Variants in ITGB5 observed in about 807,000 individuals in gnomAD.
ITGB5 encodes the protein integrin beta-5.
A neutral mutation model predicts 84.8 loss-of-function variants in ITGB5; 38 were observed. That is an observed-to-expected ratio of 0.45 (90% CI 0.35 to 0.59). The LOEUF (loss-of-function observed/expected upper bound fraction) is 0.59. ITGB5 is among the 20% of genes least tolerant of loss of function. The pLI, the probability that ITGB5 is intolerant of heterozygous loss-of-function variation, is 0.01. For missense variants in ITGB5, 905 were observed against 1,034.5 expected (o/e 0.87, Z 1.72); for synonymous variants, 393 against 414.4 (o/e 0.95, Z 0.63).
At chr3:124,901,162 C>G (rs1935207371) in intron 1 of ITGB5, 3 of 152,174 alleles carry the variant, frequency 2.0e-5, no homozygotes, top group African/African-American at 7.2e-5. Flanking sequence ...GAGGCCAAAG[C>G]GGTAGGATGA....
intron 4 of ITGB5, among the ~76,000 whole-genome samples, chr3:124,842,931 T>A (rs976004586): frequency 4.0e-5 from 6 of 151,560 alleles, no homozygotes; most frequent in African/African-American, 7.3e-5. Context: ...CAGCACAGAG[T>A]CCCCAGCAAC....
At chr3:124,791,604 A>G (rs2064151320) in intron 10 of ITGB5, 1 of 152,364 alleles carries the variant, frequency 6.6e-6, no homozygotes, top group African/African-American at 2.4e-5. Flanking sequence ...CACTTCTTCA[A>G]GTGCACCCCT....
At chr3:124,874,209 C>T (rs1934194381) in intron 1 of ITGB5, among the ~76,000 whole-genome samples, 4 of 141,770 alleles carry the variant, frequency 2.8e-5, no homozygotes, top group South Asian at 4.5e-4. Context: ...CTAAGAAAAA[C>T]AAAATTTCAC....
intron 5 of ITGB5, among the ~76,000 whole-genome samples, chr3:124,822,249 C>G (rs374004015): frequency 1.3e-5 from 2 of 152,334 alleles, no homozygotes; most frequent in East Asian, 1.9e-4. Flanking sequence ...TTTTTAGGAG[C>G]AGCTAGACCT....
chr3:124,830,093 A>G (rs2064838378), intron 5 of ITGB5, among the ~76,000 whole-genome samples: 1 of 152,164 alleles, frequency 6.6e-6, no homozygotes, highest in Non-Finnish European at 1.5e-5. Flanking sequence ...GAGAGAAACA[A>G]ATGGTTAGGG....
At chr3:124,827,988 G>A (rs56857499) in intron 5 of ITGB5, among the ~76,000 whole-genome samples, 2 of 143,768 alleles carry the variant, frequency 1.4e-5, no homozygotes, top group Admixed American at 7.1e-5. Context: ...CCCCCCCAAC[G>A]CCCCCGCCGC....
At chr3:124,892,133 T>C (rs1935014501), upstream of ITGB5, among the ~76,000 whole-genome samples, 1 of 151,964 alleles carries the variant, frequency 6.6e-6, no homozygotes, top group Non-Finnish European at 1.5e-5. Flanking sequence ...GAAAGTAGAA[T>C]AGAGGTTACC....
chr3:124,855,263 G>A (rs919014225), intron 3 of ITGB5, among the ~76,000 whole-genome samples: 45 of 152,150 alleles, frequency 3.0e-4, no homozygotes, highest in African/African-American at 9.9e-4. Flanking sequence ...CTGAAATCAC[G>A]TCACTGCACT....
intron 4 of ITGB5, among the ~76,000 whole-genome samples, chr3:124,846,145 C>T (rs953959777): frequency 2.6e-5 from 4 of 152,132 alleles, no homozygotes; most frequent in Admixed American, 6.6e-5. Context: ...GGAGAGTATA[C>T]AGAAGGATCT....
intron 12 of ITGB5, among the ~76,000 whole-genome samples, chr3:124,768,055 G>T (rs865960921): frequency 1.2e-3 from 187 of 152,304 alleles, no homozygotes; most frequent in African/African-American, 4.1e-3. Flanking sequence ...GGGTGACAGA[G>T]ACCCTGTCTC....
In ITGB5 at chr3:124,790,830, G is replaced by A. The variant is rs989857560; in HGVS notation, c.1693+5558C>T. On this transcript the variant is annotated intron_variant, in intron 10 of 14. Coordinates refer to ENST00000296181, the MANE Select transcript of ITGB5 (RefSeq NM_002213.5). ...TAAAATAAAGGTGAGACGTATACATGAGACCTTACTCAGAGGTGCTTTTGA... is the reference window on the plus strand; with the variant it reads ...TAAAATAAAGGTGAGACGTATACATAAGACCTTACTCAGAGGTGCTTTTGA... 2.6e-5 allele frequency among the ~76,000 whole-genome samples: 4 copies of A among 152,056 alleles called. No individual in the cohort carries two copies. The East Asian group carries it at 7.7e-4, about 29-fold the overall frequency.
At chr3:124,874,605 T>C (rs1934222629) in intron 1 of ITGB5, among the ~76,000 whole-genome samples, 1 of 152,180 alleles carries the variant, frequency 6.6e-6, no homozygotes, top group Non-Finnish European at 1.5e-5. Flanking sequence ...TTTCAAAATA[T>C]ACTACAAAGC....
At chr3:124,773,934 A>G in intron 10 of ITGB5, 22 bp from the exon 11 acceptor site, 5 of 1,605,910 alleles carry the variant, frequency 3.1e-6, no homozygotes, top group Non-Finnish European at 4.3e-6. Flanking sequence ...CATGTGGCAC[A>G]TCAGCACCTG....
At chr3:124,862,667 G>C (rs1001473301) in intron 2 of ITGB5, 5 of 152,218 alleles carry the variant, frequency 3.3e-5, no homozygotes, top group Non-Finnish European at 7.3e-5. Context: ...AGTGCATGCT[G>C]TAGCAGCTCT....
chr3:124,827,948 C>G (rs1412386200), intron 5 of ITGB5, among the ~76,000 whole-genome samples: 1 of 151,200 alleles, frequency 6.6e-6, no homozygotes, highest in Non-Finnish European at 1.5e-5. Flanking sequence ...TGTAATTTTC[C>G]ACTACCTACC....
chr3:124,824,237 G>C (rs2064750274), intron 5 of ITGB5, among the ~76,000 whole-genome samples: 1 of 152,220 alleles, frequency 6.6e-6, no homozygotes, highest in Non-Finnish European at 1.5e-5. Flanking sequence ...TGCAATGACA[G>C]AATGCATAGA....
At chr3:124,831,156 C>T (rs2064854745) in intron 5 of ITGB5, among the ~76,000 whole-genome samples, 1 of 152,206 alleles carries the variant, frequency 6.6e-6, no homozygotes, top group Non-Finnish European at 1.5e-5. Flanking sequence ...TATGGTGTCT[C>T]TCCTCTGAGG....
chr3:124,874,821 A>G (rs778843309), intron 1 of ITGB5, among the ~76,000 whole-genome samples: 3 of 152,218 alleles, frequency 2.0e-5, no homozygotes, highest in Non-Finnish European at 4.4e-5. Flanking sequence ...AATGAAACTG[A>G]ACTCTTATCT....
chr3:124,779,672 G>A (rs777959080), intron 10 of ITGB5, among the ~76,000 whole-genome samples: 5 of 152,108 alleles, frequency 3.3e-5, no homozygotes, highest in Non-Finnish European at 5.9e-5. Flanking sequence ...AGTGGCTGCC[G>A]TTTCACCCCT....
Sources: gnomAD v4.1 joint callset for allele counts (sites outside exome capture counted in the v4.1 genomes callset) on GRCh38, gnomAD v4.1.1 for gene constraint, MANE v1.5 for transcripts, NCBI Gene and HGNC (gene_info 2026-07-23, HGNC 2026-07-21) for gene names.